Variants in MARCHF1 observed in about 807,000 individuals in gnomAD.
MARCHF1 encodes the protein E3 ubiquitin-protein ligase MARCHF1.
MARCHF1 carries 40 observed loss-of-function variants against 54.2 expected under a neutral mutation model. The ratio of observed to expected loss-of-function variants is 0.74; its 90% CI spans 0.57 to 0.96. MARCHF1 has a LOEUF of 0.96. MARCHF1 is among the 40% of genes least tolerant of loss of function. MARCHF1 has a pLI of 0.00. For synonymous variants in MARCHF1, 236 were observed against 236.3 expected (o/e 1.00, Z 0.01); for missense variants, 586 against 656.5 (o/e 0.89, Z 1.17).
At chr4:164,089,633 A>T (rs540105360) in intron 2 of MARCHF1, among the ~76,000 whole-genome samples, 31 of 152,082 alleles carry the variant, frequency 2.0e-4, no homozygotes, top group African/African-American at 7.2e-4. Flanking sequence ...AGGACCTTAA[A>T]TCTACTAATA....
intron 1 of MARCHF1, among the ~76,000 whole-genome samples, chr4:164,255,485 C>G (rs184704619): frequency 6.7e-6 from 1 of 149,622 alleles, no homozygotes; most frequent in African/African-American, 2.4e-5. Flanking sequence ...AACAACGCCA[C>G]GCATGAAAAT....
chr4:164,096,642 G>T (rs1348685532), intron 2 of MARCHF1, among the ~76,000 whole-genome samples: 2 of 151,790 alleles, frequency 1.3e-5, no homozygotes, highest in Non-Finnish European at 2.9e-5. Context: ...CAAATAAGGT[G>T]AACACAAAGT....
chr4:164,149,000 G>C (rs1729853989), intron 1 of MARCHF1, among the ~76,000 whole-genome samples: 1 of 152,120 alleles, frequency 6.6e-6, no homozygotes, highest in South Asian at 2.1e-4. Context: ...TTTGGGTCAT[G>C]GGGGGCAGGT....
intron 8 of MARCHF1, among the ~76,000 whole-genome samples, chr4:163,570,370 T>TTGTAGAGTCCTAGAAAA: frequency 6.6e-6 from 1 of 152,172 alleles, no homozygotes; most frequent in African/African-American, 2.4e-5. Context: ...CAAAATACTT[T>TTGTAGAGTCCTAGAAAA]TACTGACATC....
intron 2 of MARCHF1, among the ~76,000 whole-genome samples, chr4:164,001,732 G>A (rs1306436978): frequency 6.6e-6 from 1 of 151,784 alleles, no homozygotes; most frequent in East Asian, 1.9e-4. Context: ...AAGGTGGAGA[G>A]TAATAGAGAT....
At chr4:164,266,309 T>G (rs977408299) in intron 1 of MARCHF1, among the ~76,000 whole-genome samples, 5 of 152,176 alleles carry the variant, frequency 3.3e-5, no homozygotes, top group African/African-American at 1.2e-4. Context: ...TTTGCTCTCT[T>G]GTCCAAATTG....
At chr4:163,708,313 TG>T (rs1481607047) in intron 4 of MARCHF1, among the ~76,000 whole-genome samples, 2 of 152,102 alleles carry the variant, frequency 1.3e-5, no homozygotes, top group African/African-American at 4.8e-5. Flanking sequence ...CTACAATTCC[TG>T]CCTTTGTAAC....
At chr4:163,830,046 G>A (rs1748973703) in intron 4 of MARCHF1, among the ~76,000 whole-genome samples, 1 of 152,092 alleles carries the variant, frequency 6.6e-6, no homozygotes, top group South Asian at 2.1e-4. Context: ...TGGGTAAATT[G>A]TTGTGAACAA....
chr4:163,904,763 A>ACAGAGACAGAGAC (rs374872263), intron 3 of MARCHF1, among the ~76,000 whole-genome samples: 2 of 151,466 alleles, frequency 1.3e-5, no homozygotes, highest in Non-Finnish European at 2.9e-5. Flanking sequence ...AGGAGAGAGA[A>ACAGAGACAGAGAC]AGAGACAGAG....
intron 5 of MARCHF1, among the ~76,000 whole-genome samples, chr4:163,632,524 C>T (rs906615215): frequency 1.5e-4 from 23 of 152,202 alleles, no homozygotes; most frequent in African/African-American, 4.8e-4. Context: ...CACCCGAATA[C>T]TGCGCTTTTC....
intron 1 of MARCHF1, among the ~76,000 whole-genome samples, chr4:164,209,623 A>G (rs1731710023): frequency 6.6e-6 from 1 of 152,200 alleles, no homozygotes; most frequent in Non-Finnish European, 1.5e-5. Context: ...AAAAAGCAAA[A>G]CAAAACAAGA....
In MARCHF1 at chr4:163,881,551, G is replaced by A. The variant is rs1750416730; in HGVS notation, c.-38-27382C>T. Among the ~76,000 whole-genome samples, 3 of 152,262 alleles carry A rather than the reference G, an allele frequency of 2.0e-5. No homozygotes were observed. In the South Asian group the frequency reaches 6.2e-4, roughly 32 times the overall value. The stretch of plus-strand genomic sequence containing the variant: ...AGGCTGTTTGCCATGCACTGGAGGA[G>A]AAGTAATTATGACATGTTTCCAGAC... On this transcript the variant is annotated intron_variant, in intron 3 of 9. Coordinates refer to ENST00000514618, the MANE Select transcript of MARCHF1 (RefSeq NM_001394959.1).
chr4:163,981,084 A>T (rs1222340482), intron 3 of MARCHF1, among the ~76,000 whole-genome samples: 1 of 152,018 alleles, frequency 6.6e-6, no homozygotes, highest in Non-Finnish European at 1.5e-5. Context: ...TGTATCTCAC[A>T]CATGAGCTTC....
At chr4:164,351,189 G>A (rs1390486058) in intron 1 of MARCHF1, among the ~76,000 whole-genome samples, 1 of 151,418 alleles carries the variant, frequency 6.6e-6, no homozygotes, top group African/African-American at 2.4e-5. Flanking sequence ...TGGGGTAGGG[G>A]CGCCCGCCAT....
At chr4:163,622,608 G>A (rs1040357683) in intron 5 of MARCHF1, among the ~76,000 whole-genome samples, 5 of 151,996 alleles carry the variant, frequency 3.3e-5, no homozygotes, top group East Asian at 1.9e-4. Context: ...GTAACTATAC[G>A]TAGCAAACAT....
chr4:164,170,378 T>C (rs1283999152), intron 1 of MARCHF1, among the ~76,000 whole-genome samples: 1 of 152,016 alleles, frequency 6.6e-6, no homozygotes, highest in East Asian at 1.9e-4. Flanking sequence ...TCAAAACCTG[T>C]TTTAGCTTAT....
chr4:163,919,377 A>G (rs1293674674), intron 3 of MARCHF1, among the ~76,000 whole-genome samples: 1 of 151,970 alleles, frequency 6.6e-6, no homozygotes, highest in African/African-American at 2.4e-5. Flanking sequence ...ATGAAAAGGG[A>G]AGTAAAAATG....
chr4:164,379,411 A>G (rs1038656058), intron 1 of MARCHF1, among the ~76,000 whole-genome samples: 7 of 152,184 alleles, frequency 4.6e-5, no homozygotes, highest in Non-Finnish European at 1.0e-4. Context: ...TGTAACTCAG[A>G]TCTCAGGAAA....
rs533959787 is a variant in MARCHF1, at chr4:163,787,391, C to A, written c.111+66630G>T. 3.1e-4 allele frequency among the ~76,000 whole-genome samples: 47 copies of A among 151,086 alleles called. 2 individuals carry two copies. The South Asian group carries it at 6.7e-3, about 22-fold the overall frequency. ...TCTAAACTCAACAATAAAAAAAAAA[C>A]CTGATTAAAAAATTGGCAAAGGATC... On this transcript the variant is annotated intron_variant, in intron 4 of 9. Coordinates refer to ENST00000514618, the MANE Select transcript of MARCHF1 (RefSeq NM_001394959.1).
Sources: gnomAD v4.1 joint callset for allele counts (sites outside exome capture counted in the v4.1 genomes callset) on GRCh38, gnomAD v4.1.1 for gene constraint, MANE v1.5 for transcripts, NCBI Gene and HGNC (gene_info 2026-07-23, HGNC 2026-07-21) for gene names.